The following RIT2 variants were observed in gnomAD, a reference collection of about 807,000 sequenced individuals.
RIT2 encodes GTP-binding protein Rit2.
Under a neutral mutation model 23.7 loss-of-function variants are expected in RIT2, and 24 were observed. The ratio of observed to expected loss-of-function variants is 1.01; its 90% CI spans 0.73 to 1.43. The LOEUF is 1.43. RIT2 is among the 40% of genes most tolerant of loss of function. The probability of loss-of-function intolerance (pLI) is 0.00; values close to 1 mark genes in which losing one functional copy is unlikely to be tolerated. For missense variants in RIT2, 236 were observed against 266.9 expected, an observed-to-expected ratio of 0.88 and a Z score of 0.81; for synonymous variants, 107 against 91.1, an observed-to-expected ratio of 1.17 and a Z score of -0.99.
intron 4 of RIT2, among the ~76,000 whole-genome samples, chr18:42,883,042 A>G (rs1323327713): frequency 6.6e-6 from 1 of 152,152 alleles, no homozygotes; most frequent in Non-Finnish European, 1.5e-5. Flanking sequence ...ATATCTAAAA[A>G]CCAATAGATA....
chr18:43,084,280 G>A (rs868705174), intron 1 of RIT2, among the ~76,000 whole-genome samples: 9 of 152,144 alleles, frequency 5.9e-5, no homozygotes, highest in African/African-American at 2.2e-4. Flanking sequence ...CTTTTACACT[G>A]TCAGTGGGAG....
intron 1 of RIT2, among the ~76,000 whole-genome samples, chr18:43,045,099 C>T (rs577884837): frequency 6.6e-6 from 1 of 152,122 alleles, no homozygotes; most frequent in Non-Finnish European, 1.5e-5. Flanking sequence ...TAGGATAAAC[C>T]TCATCTCCTT....
intron 3 of RIT2, among the ~76,000 whole-genome samples, chr18:42,972,609 T>G (rs1910387899): frequency 6.6e-6 from 1 of 151,868 alleles, no homozygotes; most frequent in African/African-American, 2.4e-5. Context: ...AGTTAAAATC[T>G]ACTTTGTATT....
At chr18:42,917,131 T>C (rs915976050) in intron 4 of RIT2, among the ~76,000 whole-genome samples, 4 of 152,130 alleles carry the variant, frequency 2.6e-5, no homozygotes, top group Admixed American at 6.6e-5. Flanking sequence ...ATGAATTATA[T>C]CTTCCTACTT....
rs1912834780 is a variant in RIT2, at chr18:42,743,272, A to G, written c.*221T>C. On this transcript the variant is annotated 3_prime_UTR_variant, in exon 5 of 5. Transcript: ENST00000326695. ...TTTTATTTAGTACTATGTTGTAAAA[A>G]CTAAACAGCATATCCAGCTGATTGA... The G allele has an allele frequency of 1.8e-6, 1 of 560,764 alleles. No homozygotes were observed. Among genetic ancestry groups the G allele is most frequent in the African/African-American group, 1.9e-5 (1 of 53,042 alleles). The allele number at this position is 560,764 out of a possible 1,614,324, so 34.7% of individuals were successfully genotyped here. A position where few individuals can be genotyped will look rare whatever the true frequency, so the allele number is the denominator to read the frequency against.
chr18:42,924,590 G>C (rs1389518503), intron 3 of RIT2, among the ~76,000 whole-genome samples: 1 of 151,928 alleles, frequency 6.6e-6, no homozygotes, highest in Non-Finnish European at 1.5e-5. Context: ...TTAGATAGAA[G>C]CAATGAAAAA....
At chr18:42,897,440 G>C (rs1241312153) in intron 4 of RIT2, among the ~76,000 whole-genome samples, 1 of 152,168 alleles carries the variant, frequency 6.6e-6, no homozygotes, top group Admixed American at 6.5e-5. Flanking sequence ...CTCTGTGACT[G>C]ACAAATGTAA....
intron 4 of RIT2, among the ~76,000 whole-genome samples, chr18:42,760,354 A>G (rs1413245049): frequency 6.6e-6 from 1 of 152,186 alleles, no homozygotes; most frequent in Non-Finnish European, 1.5e-5. Flanking sequence ...TAATCTTGAC[A>G]AGTTTGTTAA....
At chr18:42,982,041 G>A (rs911633633) in intron 2 of RIT2, among the ~76,000 whole-genome samples, 4 of 152,142 alleles carry the variant, frequency 2.6e-5, no homozygotes, top group Non-Finnish European at 4.4e-5. Flanking sequence ...TATGTCTGAA[G>A]AGCTGAGATC....
At chr18:43,043,511 G>T (rs1912175701) in intron 1 of RIT2, among the ~76,000 whole-genome samples, 2 of 152,054 alleles carry the variant, frequency 1.3e-5, no homozygotes, top group South Asian at 2.1e-4. Flanking sequence ...GGGAGACTGG[G>T]CTGGGCCTGG....
At chr18:43,107,229 C>T (rs1913844262) in intron 1 of RIT2, among the ~76,000 whole-genome samples, 1 of 152,162 alleles carries the variant, frequency 6.6e-6, no homozygotes, top group Non-Finnish European at 1.5e-5. Flanking sequence ...AGATGAACAG[C>T]TGAACAATGT....
chr18:43,101,397 ATT>A (rs1444037550), intron 1 of RIT2, among the ~76,000 whole-genome samples: 1 of 152,214 alleles, frequency 6.6e-6, no homozygotes, highest in Non-Finnish European at 1.5e-5. Flanking sequence ...CCAGACATAA[ATT>A]TAGATATAAA....
At chr18:42,910,323 C>T (rs545360205) in intron 4 of RIT2, among the ~76,000 whole-genome samples, 1 of 152,056 alleles carries the variant, frequency 6.6e-6, no homozygotes, top group African/African-American at 2.4e-5. Flanking sequence ...TTAACAAACA[C>T]CACCCACTTA....
intron 1 of RIT2, among the ~76,000 whole-genome samples, chr18:43,068,716 A>C (rs1912831276): frequency 1.3e-5 from 2 of 152,250 alleles, no homozygotes; most frequent in East Asian, 3.9e-4. Context: ...AATTTAAATG[A>C]TATTACAATT....
intron 3 of RIT2, among the ~76,000 whole-genome samples, chr18:42,940,638 C>A (rs944912891): frequency 6.6e-6 from 1 of 151,866 alleles, no homozygotes; most frequent in Non-Finnish European, 1.5e-5. Context: ...CATATAAAGT[C>A]CTTAACAATG....
At chr18:43,078,313 G>T (rs967625206) in intron 1 of RIT2, among the ~76,000 whole-genome samples, 7 of 152,088 alleles carry the variant, frequency 4.6e-5, no homozygotes, top group Non-Finnish European at 1.0e-4. Context: ...ACCTCTCTGT[G>T]TGCCAGGTGC....
chr18:42,996,071 C>T (rs1267128941), intron 2 of RIT2, among the ~76,000 whole-genome samples: 5 of 152,176 alleles, frequency 3.3e-5, no homozygotes, highest in Non-Finnish European at 5.9e-5. Context: ...TGGGTCCTCC[C>T]AATTCTTAGA....
At chr18:42,929,135 T>C (rs2957006) in intron 3 of RIT2, among the ~76,000 whole-genome samples, 26,148 of 148,792 alleles carry the variant, frequency 0.18, 2,877 homozygotes, top group East Asian at 0.34. Context: ...ACAATTTGAC[T>C]CTGAACGTTT....
At chr18:42,903,656 A>T (rs1043328837) in intron 4 of RIT2, among the ~76,000 whole-genome samples, 1 of 152,094 alleles carries the variant, frequency 6.6e-6, no homozygotes, top group Non-Finnish European at 1.5e-5. Context: ...CCATCCCCAC[A>T]AAAAGGATGA....
Sources: allele counts gnomAD v4.1 joint callset (sites outside exome capture counted in the v4.1 genomes callset), GRCh38; gene constraint gnomAD v4.1.1; transcripts MANE v1.5; gene names NCBI Gene and HGNC (gene_info 2026-07-23, HGNC 2026-07-21).